Variants in DTX2 observed in about 807,000 individuals in gnomAD.
DTX2 encodes probable E3 ubiquitin-protein ligase DTX2.
DTX2 carries 29 observed loss-of-function variants against 55.3 expected under a neutral mutation model. That is an observed-to-expected ratio of 0.52 (90% CI 0.39 to 0.71). DTX2 has a LOEUF of 0.71. DTX2 is among the 30% of genes least tolerant of loss of function. DTX2 has a pLI of 0.00. For synonymous variants in DTX2, 276 were observed against 340.4 expected (o/e 0.81, Z 2.08); for missense variants, 537 against 822.5 (o/e 0.65, Z 4.25).
At chr7:76,471,431 G>A (rs566458418) in intron 2 of DTX2, among the ~76,000 whole-genome samples, 1 of 150,932 alleles carries the variant, frequency 6.6e-6, no homozygotes, top group African/African-American at 2.4e-5. Flanking sequence ...AAAGTGCTGG[G>A]ATTACAGGTG....
At chr7:76,471,543 T>A (rs1408079036) in intron 2 of DTX2, among the ~76,000 whole-genome samples, 1 of 149,782 alleles carries the variant, frequency 6.7e-6, no homozygotes, top group Non-Finnish European at 1.5e-5. Flanking sequence ...TATTTTTTTT[T>A]AAAGAGACAG....
intron 2 of DTX2, among the ~76,000 whole-genome samples, chr7:76,474,257 G>A (rs1452983017): frequency 7.9e-6 from 1 of 127,378 alleles, no homozygotes; most frequent in East Asian, 2.3e-4. Flanking sequence ...GTCTTGCTAT[G>A]TTGCCCAGAC....
intron 2 of DTX2, among the ~76,000 whole-genome samples, chr7:76,464,760 G>A (rs1431176182): frequency 2.7e-5 from 4 of 150,508 alleles, no homozygotes; most frequent in Non-Finnish European, 4.4e-5. Context: ...TGGATTATTC[G>A]CTTTGTGGCG....
chr7:76,482,805 C>T lies in DTX2; in HGVS notation c.566C>T (p.Pro189Leu), dbSNP rs192290514. ...PYPVTTIIAP[P>L]GHTGVACSCH... Reference sequence around the variant, plus strand: ...CCGGTGACCACCATCATCGCTCCGCCGGGCCACACAGGCGTCGCCTGCTCT... The same window carrying T: ...CCGGTGACCACCATCATCGCTCCGCTGGGCCACACAGGCGTCGCCTGCTCT... Residue 189 changes from proline (P) to leucine (L), a missense_variant, in exon 4 of 11, where the codon CCG becomes CTG. Physicochemically the swap from Pro to Leu is moderately conservative, Grantham distance 98. Around this residue, in one of 7 missense-constraint regions of DTX2, gnomAD observed 301 missense variants for 396.6 expected, o/e 0.76. Transcript: ENST00000430490. The T allele has an allele frequency of 2.5e-5, 41 of 1,613,786 alleles. No homozygotes were observed. Among genetic ancestry groups the T allele is most frequent in the Admixed American group, 8.3e-5 (5 of 60,004 alleles).
intron 2 of DTX2, among the ~76,000 whole-genome samples, chr7:76,480,136 C>G (rs1387822923): frequency 1.6e-5 from 2 of 124,350 alleles, no homozygotes; most frequent in East Asian, 4.7e-4. Flanking sequence ...CAGACATCAT[C>G]TCTACAAAAA....
intron 2 of DTX2, among the ~76,000 whole-genome samples, chr7:76,471,852 G>C (rs1286666481): frequency 6.6e-6 from 1 of 151,360 alleles, no homozygotes; most frequent in African/African-American, 2.5e-5. Context: ...CTTGGTTCTG[G>C]AGAAGCTGGT....
At chr7:76,491,477 T>TG (rs2116484993) in intron 4 of DTX2, among the ~76,000 whole-genome samples, 1 of 95,144 alleles carries the variant, frequency 1.1e-5, no homozygotes, top group South Asian at 3.6e-4. Context: ...TTAGTAGAGA[T>TG]GGGGTTTCAC....
rs1228800743 is a variant in DTX2 at position 76,505,771 on chromosome 7, C to G, written c.*170C>G. The G allele has an allele frequency of 4.2e-6, 3 of 722,840 alleles. No homozygotes were observed. The highest frequency in any genetic ancestry group is 2.4e-4 in the Middle Eastern group (1 of 4,204). 44.8% of individuals were successfully genotyped at this position (722,840 alleles called of 1,614,324 possible). A position where few individuals can be genotyped will look rare whatever the true frequency, so the allele number is the denominator to read the frequency against. On this transcript the variant is annotated 3_prime_UTR_variant, in exon 11 of 11. Transcript: ENST00000430490. The surrounding 1 kb of genome is among the most constrained non-coding windows in gnomAD (Gnocchi z 4.4). ...CTGCCTGCCTCTCTCTCCTCCTCCC[C>G]TCTGGGAATTGGGCAGCCCTGGGCA...
chr7:76,490,995 C>CTTTTTTTTTTT (rs773754831), intron 4 of DTX2, among the ~76,000 whole-genome samples: 1 of 63,370 alleles, frequency 1.6e-5, no homozygotes, highest in Non-Finnish European at 2.7e-5. Context: ...TGAGAACCTG[C>CTTTTTTTTTTT]TTTTTTTTTT....
At chr7:76,464,641 C>T (rs1311938740) in intron 2 of DTX2, among the ~76,000 whole-genome samples, 6 of 152,082 alleles carry the variant, frequency 3.9e-5, no homozygotes, top group African/African-American at 4.8e-5. Context: ...AAGGGATCCT[C>T]CCATCTCAGC....
intron 9 of DTX2, 63 bp downstream of exon 9, chr7:76,503,650 A>G: frequency 7.2e-7 from 1 of 1,393,284 alleles, no homozygotes; most frequent in Non-Finnish European, 9.9e-7. Flanking sequence ...CCCACATCCC[A>G]GCAGTCTGCC....
intron 8 of DTX2, 57 bp from the exon 9 acceptor site, chr7:76,503,369 G>A (rs1811951364): frequency 1.9e-6 from 3 of 1,564,988 alleles, no homozygotes; most frequent in Non-Finnish European, 8.7e-7. Context: ...CGGTGGAGGT[G>A]ACGGTCTTGG....
At chr7:76,480,912 TG>T (rs1396840711) in intron 3 of DTX2, 135 bp downstream of exon 3, 7 of 1,056,886 alleles carry the variant, frequency 6.6e-6, no homozygotes, top group Admixed American at 2.9e-5. Context: ...TGGTGGTGGG[TG>T]GGTGCAGTGA....
intron 2 of DTX2, among the ~76,000 whole-genome samples, chr7:76,478,600 A>G (rs1211184290): frequency 2.1e-5 from 3 of 144,522 alleles, no homozygotes; most frequent in African/African-American, 8.0e-5. Context: ...TTCTGCAGAG[A>G]TGGGATCTCA....
At position 76,482,516 on chromosome 7, in the gene DTX2, C is replaced by G; in HGVS notation, c.277C>G (p.Arg93Gly). Residue 93 changes from arginine (R) to glycine (G), a missense_variant, in exon 4 of 11, where the codon CGG (arginine) becomes GGG (glycine). Coordinates refer to ENST00000430490, the MANE Select transcript of DTX2 (RefSeq NM_001102594.3). ...TTTTCCTTTGAAAATAGGCACCATGCGGGCTGTGCGGAGACACCTGTTCCC... is the reference window on the plus strand; with the variant it reads ...TTTTCCTTTGAAAATAGGCACCATGGGGGCTGTGCGGAGACACCTGTTCCC... ...TQFRQDTGTM[R>G]AVRRHLFPQH... 3 of 1,592,252 alleles carry G rather than the reference C, an allele frequency of 1.9e-6. No homozygotes were observed. Among genetic ancestry groups the G allele is most frequent in the Non-Finnish European group, 2.6e-6 (3 of 1,164,826 alleles).
intron 2 of DTX2, among the ~76,000 whole-genome samples, chr7:76,474,359 T>A (rs1808305946): frequency 6.6e-6 from 1 of 152,104 alleles, no homozygotes; most frequent in Non-Finnish European, 1.5e-5. Flanking sequence ...TTGGCCTGTT[T>A]TACATGTTGA....
rs760758112 is a variant in DTX2, at chr7:76,482,616, C to A, written c.377C>A (p.Ala126Asp). 2 of 1,613,840 alleles carry A rather than the reference C, an allele frequency of 1.2e-6. No individual in the cohort carries two copies. The highest frequency in any genetic ancestry group is 1.1e-5 in the South Asian group (1 of 91,078). ...SDDGSWTAYE[A>D]SVCDYLEQQV... is the part of the protein sequence containing the mutation. ...GATGGCTCCTGGACTGCCTATGAAG[C>A]CAGCGTCTGTGACTATCTGGAGCAG... Residue 126 changes from alanine (A) to aspartate (D), a missense_variant, in exon 4 of 11, where the codon GCC (alanine) becomes GAC (aspartate). Coordinates refer to ENST00000430490, the MANE Select transcript of DTX2 (RefSeq NM_001102594.3).
At chr7:76,471,669 A>G (rs879351697) in intron 2 of DTX2, among the ~76,000 whole-genome samples, 78 of 151,070 alleles carry the variant, frequency 5.2e-4, no homozygotes, top group Non-Finnish European at 9.3e-4. Context: ...TGCTGGGATC[A>G]CAAGGTGTGA....
chr7:76,502,759 C>T (rs554940290), intron 8 of DTX2: 86 of 471,804 alleles, frequency 1.8e-4, no homozygotes, highest in African/African-American at 1.5e-3. Flanking sequence ...ACCGCCTCCC[C>T]CTCGGCCACT....
Sources: gnomAD v4.1 joint callset for allele counts (sites outside exome capture counted in the v4.1 genomes callset) on GRCh38, gnomAD v4.1.1 for gene constraint, gnomAD v4.1.1 regional missense constraint, Gnocchi (gnomAD v3.1) non-coding constraint, MANE v1.5 for transcripts, NCBI Gene and HGNC (gene_info 2026-07-23, HGNC 2026-07-21) for gene names.